Variants in DLG2 observed in about 807,000 individuals in gnomAD.
DLG2 encodes the protein disks large homolog 2.
A neutral mutation model predicts 132.5 loss-of-function variants in DLG2; 45 were observed. The observed-to-expected ratio is 0.34, with a 90% CI of 0.27 to 0.44. The LOEUF (loss-of-function observed/expected upper bound fraction) is 0.44, where lower values mean the gene tolerates loss of function less well. Among genes scored for constraint, DLG2 ranks in the 20% least tolerant of loss-of-function variants. DLG2 has a pLI of 1.00. For missense variants in DLG2, 1,045 were observed against 1,196.9 expected (o/e 0.87, Z 1.87); for synonymous variants, 424 against 419.6 (o/e 1.01, Z -0.13).
chr11:84,083,139 G>C (rs1473441691), intron 10 of DLG2, among the ~76,000 whole-genome samples: 2 of 152,070 alleles, frequency 1.3e-5, no homozygotes, highest in African/African-American at 4.8e-5. Flanking sequence ...AATTAGCTGG[G>C]CATGGTGGCA....
intron 14 of DLG2, among the ~76,000 whole-genome samples, chr11:83,957,088 A>C (rs538607351): frequency 6.6e-6 from 1 of 152,312 alleles, no homozygotes; most frequent in South Asian, 2.1e-4. Context: ...TTTTGTGATA[A>C]AATATACAAG....
chr11:84,411,070 T>C (rs1567562013), intron 7 of DLG2, among the ~76,000 whole-genome samples: 1 of 152,180 alleles, frequency 6.6e-6, no homozygotes, highest in Non-Finnish European at 1.5e-5. Flanking sequence ...ACCAGAGCTA[T>C]GCAGTGAAAA....
intron 6 of DLG2, among the ~76,000 whole-genome samples, chr11:85,090,703 T>C (rs996542292): frequency 7.2e-5 from 11 of 152,202 alleles, no homozygotes; most frequent in Admixed American, 2.6e-4. Context: ...TCAGAGATAC[T>C]TCAGGTTCAG....
intron 9 of DLG2, among the ~76,000 whole-genome samples, chr11:84,115,549 T>C (rs555342626): frequency 1.3e-5 from 2 of 152,356 alleles, no homozygotes; most frequent in East Asian, 3.9e-4. Flanking sequence ...TGTATCCTTC[T>C]TCTCCCTTAC....
chr11:84,522,483 C>A (rs750157052), intron 7 of DLG2, among the ~76,000 whole-genome samples: 5 of 152,082 alleles, frequency 3.3e-5, no homozygotes, highest in Non-Finnish European at 7.4e-5. Context: ...CCAAAATTGG[C>A]CACAAACTCT....
intron 4 of DLG2, among the ~76,000 whole-genome samples, chr11:85,209,938 A>G (rs937761667): frequency 6.6e-6 from 1 of 151,596 alleles, no homozygotes; most frequent in Non-Finnish European, 1.5e-5. Context: ...CCTACCTAGA[A>G]TATCTCCCTT....
At chr11:84,093,963 T>A (rs997112515) in intron 10 of DLG2, among the ~76,000 whole-genome samples, 1 of 151,486 alleles carries the variant, frequency 6.6e-6, no homozygotes, top group Non-Finnish European at 1.5e-5. Context: ...TTTTTTTTTT[T>A]ATTTTTTATT....
At chr11:84,433,637 T>C (rs1292749635) in intron 7 of DLG2, among the ~76,000 whole-genome samples, 1 of 152,242 alleles carries the variant, frequency 6.6e-6, no homozygotes, top group East Asian at 1.9e-4. Context: ...TGTAGCTTAT[T>C]TAGAAAAATG....
intron 6 of DLG2, among the ~76,000 whole-genome samples, chr11:84,909,794 A>G (rs542822666): frequency 6.6e-6 from 1 of 152,182 alleles, no homozygotes; most frequent in South Asian, 2.1e-4. Flanking sequence ...AGGATATATT[A>G]CCCCTTAAGT....
intron 3 of DLG2, among the ~76,000 whole-genome samples, chr11:85,520,028 A>G (rs1286712669): frequency 6.6e-6 from 1 of 150,722 alleles, no homozygotes; most frequent in African/African-American, 2.4e-5. Flanking sequence ...AAGTGGACTA[A>G]TGCACCTGGC....
At chr11:84,314,565 C>A (rs1314939689) in intron 7 of DLG2, among the ~76,000 whole-genome samples, 1 of 151,818 alleles carries the variant, frequency 6.6e-6, no homozygotes, top group Non-Finnish European at 1.5e-5. Flanking sequence ...TTTTGAGGAC[C>A]TACTAGAAGT....
chr11:84,998,680 C>T (rs2057917265), intron 6 of DLG2, among the ~76,000 whole-genome samples: 1 of 152,006 alleles, frequency 6.6e-6, no homozygotes, highest in East Asian at 1.9e-4. Context: ...TTATACCTTC[C>T]AAGACCTGGA....
At chr11:83,520,699 A>G (rs113564722) in intron 21 of DLG2, among the ~76,000 whole-genome samples, 2,865 of 77,794 alleles carry the variant, frequency 0.037, 108 homozygotes, top group African/African-American at 0.16. Context: ...AGGTAGGTAG[A>G]TAGATAGATA....
chr11:84,127,607 C>T (rs60034832), intron 9 of DLG2, among the ~76,000 whole-genome samples: 13,037 of 151,998 alleles, frequency 0.086, 700 homozygotes, highest in African/African-American at 0.15. Flanking sequence ...TTATCTTTTC[C>T]TTTTTTCTGT....
chr11:84,866,990 T>C lies in DLG2; in HGVS notation c.357+244671A>G, dbSNP rs139798599. 3.4e-3 allele frequency among the ~76,000 whole-genome samples: 517 copies of C among 152,324 alleles called. 2 individuals carry two copies. The highest frequency in any genetic ancestry group is 0.012 in the African/African-American group (498 of 41,574). On this transcript the variant is annotated intron_variant, in intron 6 of 27. Coordinates refer to ENST00000376104, the MANE Select transcript of DLG2 (RefSeq NM_001142699.3). ...GTATCCCTTGCACACATTCATTACA[T>C]AGTAGGTAAGCAGTAAAGATTTTAT...
chr11:85,555,941 C>G (rs2076922057), intron 3 of DLG2, among the ~76,000 whole-genome samples: 1 of 151,820 alleles, frequency 6.6e-6, no homozygotes, highest in African/African-American at 2.4e-5. Context: ...ATTTGAGCCT[C>G]AACCATCTGG....
chr11:84,595,252 G>A (rs895197392), intron 6 of DLG2, among the ~76,000 whole-genome samples: 4 of 151,962 alleles, frequency 2.6e-5, no homozygotes, highest in East Asian at 3.9e-4. Context: ...CTAAAGGTGC[G>A]TGCCACCATG....
At chr11:84,280,867 AT>A (rs35970331) in intron 7 of DLG2, among the ~76,000 whole-genome samples, 2,202 of 67,532 alleles carry the variant, frequency 0.033, 12 homozygotes, top group African/African-American at 0.07. Flanking sequence ...TGCCCAGCCA[AT>A]TTTTTTTTTT....
rs150864114 is a variant in DLG2 at position 83,501,123 on chromosome 11, T to C, written c.2194-16895A>G. Among the ~76,000 whole-genome samples the C allele has an allele frequency of 4.5e-3, 689 of 152,234 alleles. 2 individuals carry two copies. Among genetic ancestry groups the C allele is most frequent in the South Asian group, 7.0e-3 (34 of 4,824 alleles). ...TATTTTTAAATTCCCATATGTTAGATAGAGAAATGGGGCTCAGAACATACG... is the reference window on the plus strand; with the variant it reads ...TATTTTTAAATTCCCATATGTTAGACAGAGAAATGGGGCTCAGAACATACG... On this transcript the variant is annotated intron_variant, in intron 21 of 27. Transcript: ENST00000376104.
Sources: allele counts gnomAD v4.1 joint callset (sites outside exome capture counted in the v4.1 genomes callset), GRCh38; gene constraint gnomAD v4.1.1; transcripts MANE v1.5; gene names NCBI Gene and HGNC (gene_info 2026-07-23, HGNC 2026-07-21).